DCHS2: variants seen among roughly 807,000 people sequenced by gnomAD.
DCHS2 encodes the protein dachsous cadherin-related 2.
DCHS2 carries 142 observed loss-of-function variants against 182.4 expected under a neutral mutation model. That is an observed-to-expected ratio of 0.78 (90% confidence interval 0.68 to 0.89). The LOEUF (loss-of-function observed/expected upper bound fraction) is 0.89, where lower values mean the gene tolerates loss of function less well. Ranked by LOEUF, DCHS2 falls within the 40% of genes least tolerant of loss-of-function variation. DCHS2 has a pLI of 0.00. For missense variants in DCHS2, 4,319 were observed against 4,198.6 expected, an observed-to-expected ratio of 1.03 and a Z score of -0.79; for synonymous variants, 1,740 against 1,663.3, an observed-to-expected ratio of 1.05 and a Z score of -1.12.
intron 14 of DCHS2, 56 bp from the exon 15 acceptor site, chr4:154,259,812 T>G: frequency 4.8e-6 from 7 of 1,471,772 alleles, no homozygotes; most frequent in Non-Finnish European, 6.3e-6. Context: ...TATTCTTTTA[T>G]TTTTTATTTT....
intron 14 of DCHS2, among the ~76,000 whole-genome samples, chr4:154,266,650 C>T (rs977034098): frequency 4.9e-4 from 28 of 56,806 alleles, no homozygotes; most frequent in African/African-American, 1.3e-3. Flanking sequence ...AGCAAGGCTC[C>T]GTCTCAAAAA....
At chr4:154,255,491 A>G in intron 16 of DCHS2, 28 bp downstream of exon 16, 1 of 1,597,850 alleles carries the variant, frequency 6.3e-7, no homozygotes, top group African/African-American at 1.3e-5. Context: ...GAATAAATGG[A>G]GCCAATGGAT....
chr4:154,483,105 TG>T (rs986550797), intron 1 of DCHS2, among the ~76,000 whole-genome samples: 1 of 151,820 alleles, frequency 6.6e-6, no homozygotes, highest in African/African-American at 2.4e-5. Flanking sequence ...TTTCAGAGAG[TG>T]TGTGGGGCAG....
intron 7 of DCHS2, among the ~76,000 whole-genome samples, chr4:154,327,557 C>T (rs1357177134): frequency 6.6e-6 from 1 of 152,034 alleles, no homozygotes; most frequent in African/African-American, 2.4e-5. Flanking sequence ...AAACACAATG[C>T]CAATTAAAGT....
Position 154,259,775 on chromosome 4 carries a change from A to G in DCHS2, c.6578-19T>C, listed in dbSNP as rs908416393. The G allele has an allele frequency of 1.9e-6, 3 of 1,577,872 alleles. No homozygotes were observed. The highest frequency in any genetic ancestry group is 1.4e-5 in the African/African-American group (1 of 72,898). The stretch of plus-strand genomic sequence containing the variant: ...AGTTGTCCTATTTTTATTTCCAAGG[A>G]GAAAAAAAAGAAAATGATGTTGTAG... On this transcript the variant is annotated intron_variant, in intron 14 of 19. Transcript: ENST00000357232.
Position 154,235,553 on chromosome 4 carries a change from G to A in DCHS2, c.9099C>T (p.Thr3033=). The A allele has an allele frequency of 6.2e-7, 1 of 1,613,982 alleles. No individual in the cohort carries two copies. The highest frequency in any genetic ancestry group is 8.5e-7 in the Non-Finnish European group (1 of 1,179,930). ...CTCTCAAGTCCGCATCTAAAGATGA[G>A]GTTTTCTTCTCCTCATAATTGTTTA... ...DTINNYEEKK[T]SSLDADLRVT... is the part of the protein sequence containing the mutation. Residue 3033 remains threonine, a synonymous_variant, in exon 20 of 20, where the codon ACC becomes ACT. Transcript: ENST00000357232.
intron 13 of DCHS2, among the ~76,000 whole-genome samples, chr4:154,277,776 C>T (rs1476480720): frequency 6.6e-6 from 1 of 152,136 alleles, no homozygotes; most frequent in Non-Finnish European, 1.5e-5. Flanking sequence ...TGCAGTGGTT[C>T]ATGCCTATAA....
intron 1 of DCHS2, among the ~76,000 whole-genome samples, chr4:154,389,814 T>A (rs1017205684): frequency 3.3e-5 from 5 of 151,212 alleles, no homozygotes; most frequent in African/African-American, 1.2e-4. Context: ...TATGCTAAAG[T>A]TGAAGGAAGT....
Position 154,489,786 on chromosome 4 carries a change from T to TCTC in DCHS2, c.1567_1569dup (p.Glu523dup). The TCTC allele has an allele frequency of 6.4e-7, 1 of 1,551,366 alleles. No homozygotes were observed. Among genetic ancestry groups the TCTC allele is most frequent in the Non-Finnish European group, 8.7e-7 (1 of 1,146,878 alleles). On this transcript the variant is annotated inframe_insertion, in exon 1 of 20. Coordinates refer to ENST00000357232, the MANE Select transcript of DCHS2 (RefSeq NM_001358235.2). ...AGGTCAGCGACCCGGAGTAGCAGCG[T>TCTC]CTCCTCCGTGCTCAGCGGCGGGGAC...
At chr4:154,352,238 C>T (rs1248039555) in intron 3 of DCHS2, among the ~76,000 whole-genome samples, 1 of 152,196 alleles carries the variant, frequency 6.6e-6, no homozygotes, top group East Asian at 1.9e-4. Flanking sequence ...CCCCACAAGT[C>T]ACCCCAACCT....
intron 3 of DCHS2, among the ~76,000 whole-genome samples, chr4:154,342,212 G>C (rs1190389352): frequency 1.4e-5 from 1 of 70,940 alleles, no homozygotes; most frequent in Non-Finnish European, 2.8e-5. Context: ...ATATTTTATT[G>C]GTAAAAAAAA....
intron 10 of DCHS2, among the ~76,000 whole-genome samples, chr4:154,306,973 T>G (rs548483256): frequency 6.6e-6 from 1 of 152,228 alleles, no homozygotes; most frequent in African/African-American, 2.4e-5. Flanking sequence ...TCTATACAGG[T>G]TTTTTATCCC....
chr4:154,464,884 C>G (rs1735174090), intron 1 of DCHS2, among the ~76,000 whole-genome samples: 1 of 152,146 alleles, frequency 6.6e-6, no homozygotes, highest in Non-Finnish European at 1.5e-5. Context: ...AACTTCCGCC[C>G]TTGCAACTCA....
chr4:154,297,337 G>A (rs575446598), intron 13 of DCHS2, among the ~76,000 whole-genome samples: 1 of 152,256 alleles, frequency 6.6e-6, no homozygotes, highest in East Asian at 1.9e-4. Context: ...CCAACCTATT[G>A]CTTCAGATGT....
chr4:154,313,077 A>G (rs929305835), intron 10 of DCHS2, among the ~76,000 whole-genome samples: 3 of 152,226 alleles, frequency 2.0e-5, no homozygotes, highest in Non-Finnish European at 4.4e-5. Flanking sequence ...ATAGAGAATA[A>G]CATCCACTAA....
chr4:154,317,273 C>A (rs1276660323), intron 9 of DCHS2, among the ~76,000 whole-genome samples: 1 of 152,160 alleles, frequency 6.6e-6, no homozygotes, highest in East Asian at 1.9e-4. Flanking sequence ...TTTATCCATT[C>A]TTTTTAACAA....
At chr4:154,469,018 A>T (rs1392832750) in intron 1 of DCHS2, among the ~76,000 whole-genome samples, 3 of 152,176 alleles carry the variant, frequency 2.0e-5, no homozygotes, top group Non-Finnish European at 4.4e-5. Flanking sequence ...ATATATCAAA[A>T]CATCAAGTTG....
chr4:154,483,209 G>A (rs896524869), intron 1 of DCHS2, among the ~76,000 whole-genome samples: 2 of 151,978 alleles, frequency 1.3e-5, no homozygotes, highest in South Asian at 2.1e-4. Context: ...AATTACAACC[G>A]AACAGAGAAG....
chr4:154,476,460 C>A (rs1415219020), intron 1 of DCHS2, among the ~76,000 whole-genome samples: 2 of 152,166 alleles, frequency 1.3e-5, no homozygotes, highest in Non-Finnish European at 2.9e-5. Flanking sequence ...ATGTTTATGG[C>A]AGGCATTTCA....
Sources: allele counts gnomAD v4.1 joint callset (sites outside exome capture counted in the v4.1 genomes callset), GRCh38; gene constraint gnomAD v4.1.1; transcripts MANE v1.5; gene names NCBI Gene and HGNC (gene_info 2026-07-23, HGNC 2026-07-21).